PRRC1: variants seen among roughly 807,000 people sequenced by gnomAD.
PRRC1 encodes the protein proline rich coiled-coil 1, also known as protein PRRC1.
In PRRC1, 39 loss-of-function variants were observed where a neutral mutation model predicts 40.7. That is an observed-to-expected ratio of 0.96 (90% CI 0.74 to 1.25). The LOEUF is 1.25. PRRC1 is among the 50% of genes most tolerant of loss of function. The probability of loss-of-function intolerance (pLI) is 0.00; values close to 1 mark genes in which losing one functional copy is unlikely to be tolerated. For synonymous variants in PRRC1, 175 were observed against 193.3 expected (o/e 0.91, Z 0.79); for missense variants, 573 against 548.3 (o/e 1.05, Z -0.45).
intron 4 of PRRC1, among the ~76,000 whole-genome samples, chr5:127,530,082 G>C (rs560469582): frequency 1.8e-4 from 27 of 152,156 alleles, no homozygotes; most frequent in African/African-American, 6.0e-4. Context: ...GTAGATTGCT[G>C]CTGGTCTACA....
rs753148754 is a variant in PRRC1, at chr5:127,523,583, G to T, written c.103+1G>T. The T allele has an allele frequency of 3.5e-5, 55 of 1,577,746 alleles. No individual in the cohort carries two copies. In the Middle Eastern group the frequency reaches 1.5e-3, roughly 43 times the overall value. ...ATGTCTTCTACCCCTGTTCCATTAG[G>T]TACATGTAGTTGTCTAACATCTCGT... On this transcript the variant is annotated splice_donor_variant, in intron 2 of 8. Coordinates refer to ENST00000296666, the MANE Select transcript of PRRC1 (RefSeq NM_130809.5). LOFTEE classifies it high-confidence loss of function.
At chr5:127,525,217 C>T (rs1035190322) in intron 3 of PRRC1, among the ~76,000 whole-genome samples, 6 of 152,186 alleles carry the variant, frequency 3.9e-5, no homozygotes, top group Non-Finnish European at 7.4e-5. Context: ...ATTTGCTTAT[C>T]CTGGTCATTT....
At chr5:127,541,877 C>A (rs990563660) in intron 7 of PRRC1, among the ~76,000 whole-genome samples, 11 of 151,762 alleles carry the variant, frequency 7.2e-5, no homozygotes, top group Admixed American at 6.6e-4. Context: ...CTATTTCCTT[C>A]AGTTCTGCTC....
intron 3 of PRRC1, 81 bp from the exon 4 acceptor site, chr5:127,526,537 A>T: frequency 9.6e-7 from 1 of 1,037,810 alleles, no homozygotes; most frequent in Non-Finnish European, 1.4e-6. Flanking sequence ...TATTAATATT[A>T]AAGTTGTTTG....
chr5:127,534,786 A>C (rs888025518), intron 6 of PRRC1, among the ~76,000 whole-genome samples: 5 of 152,154 alleles, frequency 3.3e-5, no homozygotes, highest in Admixed American at 1.3e-4. Flanking sequence ...TTTATATATA[A>C]GTTGCCTTTT....
intron 1 of PRRC1, 98 bp downstream of exon 1, chr5:127,517,874 C>T (rs1767357063): frequency 6.6e-6 from 1 of 152,286 alleles, no homozygotes; most frequent in Admixed American, 6.5e-5. Context: ...GACGGTGTCC[C>T]TGGAAGGTGG....
At chr5:127,544,952 G>A (rs979213773) in intron 7 of PRRC1, among the ~76,000 whole-genome samples, 1 of 152,200 alleles carries the variant, frequency 6.6e-6, no homozygotes, top group Non-Finnish European at 1.5e-5. Context: ...TGGAAATGCA[G>A]AAATCACCCG....
At chr5:127,523,182 GTAGA>G (rs1412441760) in intron 1 of PRRC1, among the ~76,000 whole-genome samples, 1 of 152,126 alleles carries the variant, frequency 6.6e-6, no homozygotes, top group Non-Finnish European at 1.5e-5. Flanking sequence ...TTGAAATGTA[GTAGA>G]TAATTAGTTA....
At chr5:127,539,542 A>T (rs1005398758) in intron 7 of PRRC1, among the ~76,000 whole-genome samples, 3 of 152,096 alleles carry the variant, frequency 2.0e-5, no homozygotes, top group Non-Finnish European at 2.9e-5. Flanking sequence ...AGTGAGCAGT[A>T]TCTCTCCTGT....
In PRRC1 at chr5:127,552,554, A is replaced by G. The variant is rs567146463; in HGVS notation, c.*638A>G. ...AATCATACCTTTGTCAATTTTAAACATAACTTTTGGCATTTCCCAGATTTA... is the reference window on the plus strand; with the variant it reads ...AATCATACCTTTGTCAATTTTAAACGTAACTTTTGGCATTTCCCAGATTTA... On this transcript the variant is annotated 3_prime_UTR_variant, in exon 9 of 9. Transcript: ENST00000296666. The G allele has an allele frequency of 3.0e-6, 3 of 985,920 alleles. No individual in the cohort carries two copies. The highest frequency in any genetic ancestry group is 3.5e-5 in the African/African-American group (2 of 57,374). 61.1% of individuals were successfully genotyped at this position (985,920 alleles called of 1,614,324 possible).
chr5:127,549,618 A>G (rs549249731), intron 8 of PRRC1: 1 of 152,334 alleles, frequency 6.6e-6, no homozygotes, highest in East Asian at 1.9e-4. Flanking sequence ...TGAAAACGTT[A>G]TAATTATGAG....
chr5:127,539,870 T>C (rs1278283181), intron 7 of PRRC1, among the ~76,000 whole-genome samples: 1 of 152,036 alleles, frequency 6.6e-6, no homozygotes, highest in African/African-American at 2.4e-5. Flanking sequence ...TTTTAAGTAA[T>C]TGTAAAAAGG....
At position 127,550,592 on chromosome 5, in the gene PRRC1, C is replaced by T. The variant is rs1344357038; in HGVS notation, c.1129-1115C>T. The T allele has an allele frequency of 1.3e-5, 2 of 152,124 alleles. 1 individual carries two copies. The highest frequency in any genetic ancestry group is 4.1e-4 in the South Asian group (2 of 4,826). The allele number at this position is 152,124 out of a possible 1,614,324, so 9.4% of individuals were successfully genotyped here. A position where few individuals can be genotyped will look rare whatever the true frequency, so the allele number is the denominator to read the frequency against. On this transcript the variant is annotated intron_variant, in intron 8 of 8. Coordinates refer to ENST00000296666, the MANE Select transcript of PRRC1 (RefSeq NM_130809.5). ...CTTGGCTTAACATCATAAGCAGCAC[C>T]TAGAAATTTGTTAAAATGCAGATTC... is the stretch of plus-strand genomic sequence containing the variant.
intron 8 of PRRC1, chr5:127,548,506 G>A (rs1339990375): frequency 1.4e-5 from 2 of 142,622 alleles, no homozygotes; most frequent in Admixed American, 1.5e-4. Flanking sequence ...TGAACAAAAT[G>A]GAATATAAAT....
chr5:127,541,113 T>C (rs1364444593), intron 7 of PRRC1, among the ~76,000 whole-genome samples: 1 of 152,254 alleles, frequency 6.6e-6, no homozygotes, highest in Non-Finnish European at 1.5e-5. Context: ...AGGCCTTTTC[T>C]GCATCTATTG....
chr5:127,553,891 C>T lies in PRRC1; in HGVS notation c.*1975C>T, dbSNP rs1023624912. ...TGCCCCTGGTGACCTGGTAAGCCTC[C>T]TGCTCGGAACCGTGTGAGTGGGTGA... On this transcript the variant is annotated 3_prime_UTR_variant, in exon 9 of 9. Transcript: ENST00000296666. 3.9e-6 allele frequency: 6 copies of T among 1,535,458 alleles called. No homozygotes were observed. Among genetic ancestry groups the T allele is most frequent in the East Asian group, 4.9e-5 (2 of 40,922 alleles).
Position 127,547,847 on chromosome 5 carries a change from G to C in PRRC1, c.1054G>C (p.Glu352Gln). 6.2e-7 allele frequency: 1 copy of C among 1,613,306 alleles called. No individual in the cohort carries two copies. Among genetic ancestry groups the C allele is most frequent in the Non-Finnish European group, 8.5e-7 (1 of 1,179,570 alleles). The change falls in exon 8 of 9, where the codon GAA becomes CAA. Residue 352 changes from glutamate to glutamine, a missense_variant. Physicochemically the swap from Glu to Gln is conservative, Grantham distance 29 (BLOSUM62 2). Coordinates refer to ENST00000296666, the MANE Select transcript of PRRC1 (RefSeq NM_130809.5). ...KWFDIGCLVVEDPVHGIHLET... is the reference protein window; with the variant it reads ...KWFDIGCLVVQDPVHGIHLET... ...GTTTGACATTGGTTGTTTGGTGGTTGAAGATCCTGTCCATGGCATTCATCT... is the reference window on the plus strand; with the variant it reads ...GTTTGACATTGGTTGTTTGGTGGTTCAAGATCCTGTCCATGGCATTCATCT...
intron 7 of PRRC1, among the ~76,000 whole-genome samples, chr5:127,547,344 G>A (rs1038565244): frequency 6.6e-6 from 1 of 152,048 alleles, no homozygotes; most frequent in Non-Finnish European, 1.5e-5. Flanking sequence ...TATTATTAAT[G>A]AAGAGAGTAT....
At chr5:127,538,183 C>T (rs1289844329) in intron 6 of PRRC1, among the ~76,000 whole-genome samples, 1 of 151,978 alleles carries the variant, frequency 6.6e-6, no homozygotes. Context: ...TTCTCTTTTT[C>T]ACTTCAGTTG....
Sources: gnomAD v4.1 joint callset for allele counts (sites outside exome capture counted in the v4.1 genomes callset) on GRCh38, gnomAD v4.1.1 for gene constraint, MANE v1.5 for transcripts, NCBI Gene and HGNC (gene_info 2026-07-23, HGNC 2026-07-21) for gene names.